SYDE2: variants seen among roughly 807,000 people sequenced by gnomAD.
SYDE2 encodes rho GTPase-activating protein SYDE2.
Under a neutral mutation model 91.5 loss-of-function variants are expected in SYDE2, and 76 were observed. The observed-to-expected ratio is 0.83, with a 90% confidence interval of 0.69 to 1.01. The LOEUF (loss-of-function observed/expected upper bound fraction) is 1.01, where lower values mean the gene tolerates loss of function less well. Among genes scored for constraint, SYDE2 ranks in the 50% least tolerant of loss-of-function variants. The pLI is 0.00. For synonymous variants in SYDE2, 513 were observed against 506.4 expected, an observed-to-expected ratio of 1.01 and a Z score of -0.18; for missense variants, 1,364 against 1,367.7, an observed-to-expected ratio of 1.00 and a Z score of 0.04.
rs1658782187 is a variant in SYDE2, at chr1:85,200,486, T to C, written c.511A>G (p.Lys171Glu). ...GAGGGGCCTTCCTGGCGGTCTCCTTTGCCACTGCGTATCACAGAGGACCCC... is the reference window on the plus strand; with the variant it reads ...GAGGGGCCTTCCTGGCGGTCTCCTTCGCCACTGCGTATCACAGAGGACCCC... ...PAGSSVIRSG[K>E]GDRQEGPSFL... is the part of the protein sequence containing the mutation. The change falls in exon 1 of 7, where the codon AAA becomes GAA. Residue 171 changes from lysine to glutamate, a missense_variant. Coordinates refer to ENST00000341460, the MANE Select transcript of SYDE2 (RefSeq NM_032184.2). 6.2e-7 allele frequency: 1 copy of C among 1,613,718 alleles called. No individual in the cohort carries two copies.
chr1:85,182,976 C>T lies in SYDE2; in HGVS notation c.1666G>A (p.Asp556Asn). The T allele has an allele frequency of 6.2e-7, 1 of 1,613,732 alleles. No homozygotes were observed. The highest frequency in any genetic ancestry group is 8.5e-7 in the Non-Finnish European group (1 of 1,179,770). The change falls in exon 3 of 7, where the codon GAT (aspartate) becomes AAT (asparagine). Residue 556 changes from aspartate to asparagine, a missense_variant. By Grantham distance (23) the Asp-to-Asn change is conservative. Transcript: ENST00000341460. The stretch of plus-strand genomic sequence containing the variant: ...TATTTAGACAAAGAAGGAGTATTAT[C>T]TGGACTGTTTATATAATTCAATGTT... ...KGTLNYINSP[D>N]NTPSLSKYNC...
intron 1 of SYDE2, among the ~76,000 whole-genome samples, chr1:85,198,704 C>T (rs1658693777): frequency 6.6e-6 from 1 of 152,094 alleles, no homozygotes; most frequent in Non-Finnish European, 1.5e-5. Context: ...AAAGCCATCA[C>T]ATGGTAAGTG....
chr1:85,164,778 A>G, intron 5 of SYDE2, 21 bp from the exon 6 acceptor site: 7 of 1,305,568 alleles, frequency 5.4e-6, no homozygotes, highest in East Asian at 2.9e-5. Flanking sequence ...TTAAATTTCA[A>G]TTAATATAGT....
At chr1:85,154,121 T>C (rs1467738317), downstream of SYDE2, 1 of 152,050 alleles carries the variant, frequency 6.6e-6, no homozygotes, top group Non-Finnish European at 1.5e-5. Context: ...TGTACCAAAG[T>C]CCTCAAGTGA....
intron 4 of SYDE2, among the ~76,000 whole-genome samples, chr1:85,175,143 T>C (rs546597803): frequency 6.6e-6 from 1 of 152,350 alleles, no homozygotes; most frequent in South Asian, 2.1e-4. Context: ...TTATTTTTAA[T>C]AATCACTAAA....
intron 4 of SYDE2, among the ~76,000 whole-genome samples, chr1:85,176,080 A>G (rs1231383126): frequency 6.6e-6 from 1 of 152,178 alleles, no homozygotes; most frequent in Admixed American, 6.5e-5. Flanking sequence ...TTTTAAAATT[A>G]TACATGTTTA....
At chr1:85,184,621 G>A (rs1658056603) in intron 2 of SYDE2, among the ~76,000 whole-genome samples, 1 of 102,466 alleles carries the variant, frequency 9.8e-6, no homozygotes, top group African/African-American at 2.7e-5. Context: ...GTGGCTCACT[G>A]TTATCCCATT....
intron 6 of SYDE2, chr1:85,160,874 A>G (rs1657031807): frequency 1.0e-6 from 1 of 985,054 alleles, no homozygotes; most frequent in African/African-American, 1.8e-5. Flanking sequence ...AGTCGCTTAG[A>G]GTTACTCACC....
At chr1:85,160,003 C>T (rs1368695832) in intron 6 of SYDE2, 2 of 982,108 alleles carry the variant, frequency 2.0e-6, no homozygotes, top group Non-Finnish European at 2.4e-6. Flanking sequence ...ACCACAGAGA[C>T]ACACATTACT....
At chr1:85,162,922 C>G (rs1220350367) in intron 6 of SYDE2, among the ~76,000 whole-genome samples, 6 of 152,122 alleles carry the variant, frequency 3.9e-5, no homozygotes, top group Non-Finnish European at 7.3e-5. Context: ...ACAGTTGACA[C>G]TCTGAAAGAT....
rs1390411836 is a variant in SYDE2 at position 85,200,667 on chromosome 1, G to A, written c.330C>T (p.Cys110=). 6.5e-7 allele frequency: 1 copy of A among 1,538,118 alleles called. No homozygotes were observed. The stretch of plus-strand genomic sequence containing the variant: ...GCTCGTCCCAGTCCCGGTGCGCGCC[G>A]CACCTGATCCAGCTGTCGCTCGGCC... ...QRWPSDSWIR[C]GAHRDWDEPP... is the part of the protein sequence containing the mutation. Residue 110 remains cysteine, a synonymous_variant, in exon 1 of 7, where the codon TGC becomes TGT. Transcript: ENST00000341460.
At position 85,164,779 on chromosome 1, in the gene SYDE2, T is replaced by C. The variant is rs1657203363; in HGVS notation, c.2854-22A>G. Reference sequence around the variant, plus strand: ...TTGCCTAAATTAAATTAAATTTCAATTAATATAGTCATAAAGAGGCAAATT... The same window carrying C: ...TTGCCTAAATTAAATTAAATTTCAACTAATATAGTCATAAAGAGGCAAATT... On this transcript the variant is annotated intron_variant, in intron 5 of 6. Transcript: ENST00000341460. 3 of 1,306,660 alleles carry C rather than the reference T, an allele frequency of 2.3e-6. No individual in the cohort carries two copies. The East Asian group carries it at 8.8e-5, about 38-fold the overall frequency. The allele number at this position is 1,306,660 out of a possible 1,614,324, so 80.9% of individuals were successfully genotyped here.
Position 85,190,114 on chromosome 1 carries a change from T to C in SYDE2, c.1384A>G (p.Lys462Glu). Reference sequence around the variant, plus strand: ...TCCACCATTATACCTTCTTGTGTCTTGTGTCCTAGCTTTTGCTTGTACTGC... The same window carrying C: ...TCCACCATTATACCTTCTTGTGTCTCGTGTCCTAGCTTTTGCTTGTACTGC... ...VQQYKQKLGH[K>E]TQEGIMVEDS... The change falls in exon 2 of 7, where the codon AAG (lysine) becomes GAG (glutamate). Residue 462 changes from lysine to glutamate, a missense_variant. Physicochemically the swap from Lys to Glu is moderately conservative, Grantham distance 56. Coordinates refer to ENST00000341460, the MANE Select transcript of SYDE2 (RefSeq NM_032184.2). 1.2e-6 allele frequency: 2 copies of C among 1,613,980 alleles called. No individual in the cohort carries two copies. Among genetic ancestry groups the C allele is most frequent in the Non-Finnish European group, 8.5e-7 (1 of 1,179,884 alleles).
Position 85,190,514 on chromosome 1 carries a change from CTG to C in SYDE2, c.982_983del (p.Gln328ValfsTer7). 1.9e-6 allele frequency: 3 copies of C among 1,613,980 alleles called. No individual in the cohort carries two copies. The highest frequency in any genetic ancestry group is 1.6e-4 in the Middle Eastern group (1 of 6,062). On this transcript the variant is annotated frameshift_variant, in exon 2 of 7. Transcript: ENST00000341460. LOFTEE classifies it high-confidence loss of function. Reference sequence around the variant, plus strand: ...ACTCTTTAGATGATTTGAGGAAAGACTGTGATAGCTGATGTTTAGGTAGAGAC... The same window carrying C: ...ACTCTTTAGATGATTTGAGGAAAGACTGATAGCTGATGTTTAGGTAGAGAC... Reference protein sequence around the residue: ...PVSLPKHQLSQSFLKSSKEYC... With the variant: ...PVSLPKHQLSXSFLKSSKEYC...
At chr1:85,199,853 A>C (rs1658741929) in intron 1 of SYDE2, among the ~76,000 whole-genome samples, 1 of 152,192 alleles carries the variant, frequency 6.6e-6, no homozygotes, top group Admixed American at 6.5e-5. Context: ...ATTCAAATTT[A>C]CAAACTCCAC....
At chr1:85,182,045 T>G in intron 3 of SYDE2, 53 bp downstream of exon 3, 2 of 1,484,528 alleles carry the variant, frequency 1.3e-6, no homozygotes, top group Non-Finnish European at 1.8e-6. Flanking sequence ...CCCCAAGACT[T>G]ACAATTAATC....
chr1:85,185,201 A>T (rs1658084582), intron 2 of SYDE2, among the ~76,000 whole-genome samples: 1 of 147,822 alleles, frequency 6.8e-6, no homozygotes, highest in South Asian at 2.1e-4. Flanking sequence ...TTACAATATT[A>T]AATGTAAATA....
chr1:85,192,659 T>C (rs1658416937), intron 1 of SYDE2, among the ~76,000 whole-genome samples: 1 of 152,038 alleles, frequency 6.6e-6, no homozygotes, highest in African/African-American at 2.4e-5. Flanking sequence ...GATAAAGAAG[T>C]AAGGAGGCCC....
downstream of SYDE2, among the ~76,000 whole-genome samples, chr1:85,155,690 G>A: frequency 6.6e-6 from 1 of 152,156 alleles, no homozygotes; most frequent in East Asian, 1.9e-4. Context: ...TAGATACATA[G>A]AAGGAGATAA....
Sources: gnomAD v4.1 joint callset for allele counts (sites outside exome capture counted in the v4.1 genomes callset) on GRCh38, gnomAD v4.1.1 for gene constraint, MANE v1.5 for transcripts, NCBI Gene and HGNC (gene_info 2026-07-23, HGNC 2026-07-21) for gene names.